RHPN1: variants seen among roughly 807,000 people sequenced by gnomAD.
The protein encoded by RHPN1 is rhophilin-1.
RHPN1 carries 77 observed loss-of-function variants against 74.7 expected under a neutral mutation model. That is an observed-to-expected ratio of 1.03 (90% CI 0.86 to 1.25). The LOEUF is 1.25. Ranked by LOEUF, RHPN1 falls within the 50% of genes most tolerant of loss-of-function variation. RHPN1 has a pLI of 0.00. For synonymous variants in RHPN1, 444 were observed against 414.5 expected, an observed-to-expected ratio of 1.07 and a Z score of -0.87; for missense variants, 987 against 932.2, an observed-to-expected ratio of 1.06 and a Z score of -0.77.
intron 1 of RHPN1, 117 bp from the exon 2 acceptor site, chr8:143,375,436 G>A (rs370029116): frequency 9.3e-6 from 6 of 646,246 alleles, no homozygotes; most frequent in Admixed American, 3.1e-5. Flanking sequence ...CAGCCCCAGC[G>A]CATGGTGACC....
At chr8:143,379,642 T>C in intron 8 of RHPN1, 134 bp downstream of exon 8, 1 of 1,444,810 alleles carries the variant, frequency 6.9e-7, no homozygotes, top group South Asian at 1.4e-5. Flanking sequence ...TCCTGCTCCC[T>C]GGGGGGGCTG....
chr8:143,372,067 A>C (rs1344248634), intron 1 of RHPN1, among the ~76,000 whole-genome samples: 2 of 152,168 alleles, frequency 1.3e-5, no homozygotes, highest in Non-Finnish European at 2.9e-5. Context: ...GGCCCACAGC[A>C]GGTGCCTGTG....
chr8:143,380,715 T>A lies in RHPN1; in HGVS notation c.1343T>A (p.Leu448Gln). The change falls in exon 11 of 15, where the codon CTG becomes CAG. Residue 448 changes from leucine (L) to glutamine (Q), a missense_variant. By Grantham distance (113) the Leu-to-Gln change is moderately radical (BLOSUM62 -2). Coordinates refer to ENST00000289013, the MANE Select transcript of RHPN1 (RefSeq NM_052924.3). ...ATCTCCCAGACGCTGCAGCGCTCACTGGCCAAGTATGCGGAGCTCGACCGT... is the reference window on the plus strand; with the variant it reads ...ATCTCCCAGACGCTGCAGCGCTCACAGGCCAAGTATGCGGAGCTCGACCGT... The part of the protein sequence containing the change: ...AVISQTLQRS[L>Q]AKYAELDRED... The A allele has an allele frequency of 6.3e-7, 1 of 1,594,116 alleles. No homozygotes were observed. Among genetic ancestry groups the A allele is most frequent in the Non-Finnish European group, 8.5e-7 (1 of 1,170,884 alleles).
rs1300735224 is a variant in RHPN1 at position 143,374,261 on chromosome 8, G to A, written c.61-1292G>A. 3.1e-5 allele frequency: 31 copies of A among 985,340 alleles called. 1 individual carries two copies. The highest frequency in any genetic ancestry group is 3.5e-5 in the Non-Finnish European group (29 of 829,936). 61.0% of individuals were successfully genotyped at this position (985,340 alleles called of 1,614,324 possible). On this transcript the variant is annotated intron_variant, in intron 1 of 14. Transcript: ENST00000289013. ...AGGGGAAGACCCAGTGCGTGTGCAC[G>A]TTGGCCCCATGAATCCGCAGCTTCA... is the stretch of plus-strand genomic sequence containing the variant.
At chr8:143,373,579 A>G (rs1818004479) in intron 1 of RHPN1, among the ~76,000 whole-genome samples, 1 of 32,680 alleles carries the variant, frequency 3.1e-5, no homozygotes, top group East Asian at 7.6e-4. Flanking sequence ...CGTGGGTTCC[A>G]GGGGACGGTG....
At chr8:143,365,478 C>T (rs1005624853), upstream of RHPN1, among the ~76,000 whole-genome samples, 2 of 152,204 alleles carry the variant, frequency 1.3e-5, no homozygotes, top group African/African-American at 4.8e-5. Flanking sequence ...TGCAGATGGG[C>T]TGGCATGCAT....
chr8:143,380,279 C>A, intron 10 of RHPN1, 104 bp downstream of exon 10: 2 of 850,586 alleles, frequency 2.4e-6, no homozygotes, highest in Non-Finnish European at 3.6e-6. Context: ...TGTCCCCGTG[C>A]TGACGAGTTG....
Position 143,377,379 on chromosome 8 carries a change from G to T in RHPN1, c.306-1G>T, listed in dbSNP as rs775559779. 1 of 1,612,728 alleles carries T rather than the reference G, an allele frequency of 6.2e-7. No individual in the cohort carries two copies. Among genetic ancestry groups the T allele is most frequent in the Non-Finnish European group, 8.5e-7 (1 of 1,179,038 alleles). On this transcript the variant is annotated splice_acceptor_variant, in intron 3 of 14. Coordinates refer to ENST00000289013, the MANE Select transcript of RHPN1 (RefSeq NM_052924.3). LOFTEE classifies it high-confidence loss of function. Reference sequence around the variant, plus strand: ...TCTGAAGTCGATGCTTCTGGTTACAGCGAAGCTGTCACTGTCCCCATGATC... The same window carrying T: ...TCTGAAGTCGATGCTTCTGGTTACATCGAAGCTGTCACTGTCCCCATGATC...
chr8:143,380,354 G>A, intron 10 of RHPN1, 179 bp downstream of exon 10: 1 of 665,138 alleles, frequency 1.5e-6, no homozygotes, highest in Non-Finnish European at 2.5e-6. Flanking sequence ...GGGGCCCCAG[G>A]AGTGCTGGGC....
In RHPN1 at chr8:143,380,605, G is replaced by T. The variant is rs773241866; in HGVS notation, c.1233G>T (p.Lys411Asn). 5.9e-6 allele frequency: 9 copies of T among 1,531,916 alleles called. No homozygotes were observed. The highest frequency in any genetic ancestry group is 7.9e-6 in the Non-Finnish European group (9 of 1,137,132). 94.9% of individuals were successfully genotyped at this position (1,531,916 alleles called of 1,614,324 possible). ...CGCGTGCAGGCAAGGCACACCTGAA[G>T]CGTGCCATCCTGGGGCAGGAGGAGG... is the stretch of plus-strand genomic sequence containing the variant. ...ERRQLGKAHL[K>N]RAILGQEEAL... is the part of the protein sequence containing the mutation. Residue 411 changes from lysine (K) to asparagine (N), a missense_variant, in exon 11 of 15, where the codon AAG becomes AAT. By Grantham distance (94) the Lys-to-Asn change is moderately conservative. Coordinates refer to ENST00000289013, the MANE Select transcript of RHPN1 (RefSeq NM_052924.3).
Position 143,378,362 on chromosome 8 carries a change from G to GCCCC in RHPN1, c.459+19_459+20insCCCC. The GCCCC allele has an allele frequency of 1.4e-6, 2 of 1,386,118 alleles. No individual in the cohort carries two copies. The highest frequency in any genetic ancestry group is 1.4e-5 in the South Asian group (1 of 70,984). The allele number at this position is 1,386,118 out of a possible 1,614,324, so 85.9% of individuals were successfully genotyped here. A position where few individuals can be genotyped will look rare whatever the true frequency, so the allele number is the denominator to read the frequency against. ...CCTGCGGCAGGTGTGTGGTTCCCCCGCCCACCCACCCTCCTGCAGCCCTGG... is the reference window on the plus strand; with the variant it reads ...CCTGCGGCAGGTGTGTGGTTCCCCCGCCCCCCCACCCACCCTCCTGCAGCCCTGG... On this transcript the variant is annotated intron_variant, in intron 5 of 14. Transcript: ENST00000289013.
At chr8:143,375,205 C>A (rs1281700325) in intron 1 of RHPN1, among the ~76,000 whole-genome samples, 1 of 152,206 alleles carries the variant, frequency 6.6e-6, no homozygotes, top group African/African-American at 2.4e-5. Context: ...CAGTGGGCCG[C>A]CTCCTGCAGG....
Position 143,381,292 on chromosome 8 carries a change from C to A in RHPN1, c.1436C>A (p.Ala479Asp), listed in dbSNP as rs1303724666. 6.2e-7 allele frequency: 1 copy of A among 1,613,060 alleles called. No individual in the cohort carries two copies. The highest frequency in any genetic ancestry group is 1.7e-5 in the Admixed American group (1 of 59,946). Residue 479 changes from alanine to aspartate, a missense_variant, in exon 12 of 15, where the codon GCC (alanine) becomes GAC (aspartate). Ala to Asp is a moderately radical substitution (Grantham distance 126). Transcript: ENST00000289013. ...GCTAAGACCCACCAGAAGCCAGAGG[C>A]CAGGATGCCACGCCTGTCCCAGGGG... is the stretch of plus-strand genomic sequence containing the variant. ...IQPKTHQKPE[A>D]RMPRLSQGKG... is the part of the protein sequence containing the mutation.
intron 1 of RHPN1, among the ~76,000 whole-genome samples, chr8:143,375,305 A>G (rs1818138850): frequency 6.6e-6 from 1 of 152,156 alleles, no homozygotes; most frequent in Non-Finnish European, 1.5e-5. Flanking sequence ...GCTGACCCCC[A>G]TCACGAGTCA....
At chr8:143,374,412 C>A in intron 1 of RHPN1, 1 of 768,742 alleles carries the variant, frequency 1.3e-6, no homozygotes. Context: ...GAGGCCTTGT[C>A]TTGCTGCTGA....
Position 143,378,788 on chromosome 8 carries a change from C to T in RHPN1, c.552C>T (p.Thr184=), listed in dbSNP as rs1818471839. 3 of 1,567,502 alleles carry T rather than the reference C, an allele frequency of 1.9e-6. No homozygotes were observed. ...QLCFLDARFL[T]PARSLGLFFH... ...GCTTCCTGGATGCGCGCTTCCTCAC[C>T]CCTGCCAGGAGCCTCGGGCTCTTCT... Residue 184 remains threonine, a synonymous_variant, in exon 6 of 15, where the codon ACC becomes ACT. Transcript: ENST00000289013.
upstream of RHPN1, chr8:143,368,689 C>T (rs114178286): frequency 0.029 from 6,910 of 236,702 alleles, 491 homozygotes; most frequent in African/African-American, 0.15. Flanking sequence ...TACCGTCCCG[C>T]GGGCGGGCGG....
intron 1 of RHPN1, chr8:143,374,398 A>C: frequency 3.5e-6 from 3 of 846,102 alleles, no homozygotes; most frequent in Non-Finnish European, 4.3e-6. Flanking sequence ...CCCAGGAGCC[A>C]CCAGAGGCCT....
At chr8:143,381,509 A>G in intron 12 of RHPN1, 63 bp from the exon 13 acceptor site, 1 of 1,544,480 alleles carries the variant, frequency 6.5e-7, no homozygotes, top group Non-Finnish European at 8.7e-7. Context: ...TGGATGTGCT[A>G]GTCAGGCGGG....
Sources: gnomAD v4.1 joint callset for allele counts (sites outside exome capture counted in the v4.1 genomes callset) on GRCh38, gnomAD v4.1.1 for gene constraint, MANE v1.5 for transcripts, NCBI Gene and HGNC (gene_info 2026-07-23, HGNC 2026-07-21) for gene names.